Variants in ZNF618 observed in about 807,000 individuals in gnomAD.
ZNF618 encodes the protein zinc finger protein 618.
ZNF618 carries 34 observed loss-of-function variants against 103.0 expected under a neutral mutation model. The ratio of observed to expected loss-of-function variants is 0.33; its 90% CI spans 0.25 to 0.44. The LOEUF (loss-of-function observed/expected upper bound fraction) is 0.44. ZNF618 is among the 20% of genes least tolerant of loss of function. The pLI is 1.00. For synonymous variants in ZNF618, 551 were observed against 542.2 expected (o/e 1.02, Z -0.23); for missense variants, 1,059 against 1,295.4 (o/e 0.82, Z 2.80).
intron 1 of ZNF618, among the ~76,000 whole-genome samples, chr9:113,933,488 A>T (rs1833779297): frequency 6.6e-6 from 1 of 152,088 alleles, no homozygotes; most frequent in South Asian, 2.1e-4. Context: ...TGGTGGGGAG[A>T]TGAGTAGTTT....
At chr9:113,958,551 A>G (rs1196949343) in intron 1 of ZNF618, among the ~76,000 whole-genome samples, 4 of 152,186 alleles carry the variant, frequency 2.6e-5, no homozygotes, top group African/African-American at 2.4e-5. Flanking sequence ...AATCCTCACA[A>G]TGGCTCTGTG....
At position 113,926,554 on chromosome 9, in the gene ZNF618, A is replaced by AT. The variant is rs1480674695; in HGVS notation, c.34-42557dup. Among the ~76,000 whole-genome samples the AT allele has an allele frequency of 2.6e-5, 4 of 151,678 alleles. No individual in the cohort carries two copies. The South Asian group carries it at 8.4e-4, about 32-fold the overall frequency. ...TCACAGTTTTTGGATATTTGGCTCT[A>AT]TTTTTTACACTCTTTTTTCTCTGTT... On this transcript the variant is annotated intron_variant, in intron 1 of 14. Coordinates refer to ENST00000374126, the MANE Select transcript of ZNF618 (RefSeq NM_001318042.2).
intron 1 of ZNF618, among the ~76,000 whole-genome samples, chr9:113,960,999 C>G (rs1564222004): frequency 6.6e-6 from 1 of 152,182 alleles, no homozygotes; most frequent in Non-Finnish European, 1.5e-5. Flanking sequence ...CCTTGGTTTC[C>G]CAGCTGGGCA....
intron 2 of ZNF618, among the ~76,000 whole-genome samples, chr9:113,979,132 A>G (rs1237008074): frequency 1.3e-5 from 2 of 152,194 alleles, no homozygotes; most frequent in Admixed American, 6.5e-5. Flanking sequence ...CCAGAACCAT[A>G]TGGAATTAAT....
At chr9:114,008,440 G>A (rs1841949395) in intron 8 of ZNF618, 37 bp from the exon 9 acceptor site, 1 of 1,613,642 alleles carries the variant, frequency 6.2e-7, no homozygotes, top group Non-Finnish European at 8.5e-7. Flanking sequence ...TGAGACCTGG[G>A]GGACCAGGGT....
At chr9:113,916,788 C>T (rs1408687342) in intron 1 of ZNF618, among the ~76,000 whole-genome samples, 1 of 152,172 alleles carries the variant, frequency 6.6e-6, no homozygotes, top group Non-Finnish European at 1.5e-5. Context: ...GTCTGGTGCT[C>T]AATCAGAAAA....
chr9:113,992,351 G>A (rs1387397226), intron 3 of ZNF618, among the ~76,000 whole-genome samples: 2 of 152,110 alleles, frequency 1.3e-5, no homozygotes, highest in Non-Finnish European at 2.9e-5. Context: ...ATTTTCTTTC[G>A]TGTTATGAAG....
chr9:114,054,008 T>A lies in ZNF618; in HGVS notation c.*3841T>A, dbSNP rs1050433803. ...CAGTGCAGTGACACAGATGAGAAGC[T>A]GTGAGTCTCCAGGATTCAAGGAAGC... On this transcript the variant is annotated 3_prime_UTR_variant, in exon 15 of 15. Coordinates refer to ENST00000374126, the MANE Select transcript of ZNF618 (RefSeq NM_001318042.2). 6.6e-6 allele frequency: 1 copy of A among 152,550 alleles called. No individual in the cohort carries two copies. Among genetic ancestry groups the A allele is most frequent in the African/African-American group, 2.4e-5 (1 of 41,444 alleles). 9.4% of individuals were successfully genotyped at this position (152,550 alleles called of 1,614,324 possible).
chr9:113,882,794 G>C (rs1828652615), intron 1 of ZNF618, among the ~76,000 whole-genome samples: 1 of 152,148 alleles, frequency 6.6e-6, no homozygotes, highest in African/African-American at 2.4e-5. Context: ...TGGGGCCCTT[G>C]CCTCTGGTGC....
intron 1 of ZNF618, among the ~76,000 whole-genome samples, chr9:113,951,928 G>A (rs1588136689): frequency 6.6e-6 from 1 of 152,212 alleles, no homozygotes; most frequent in East Asian, 1.9e-4. Context: ...TCATCATTCA[G>A]ACATTGATGA....
Position 114,041,400 on chromosome 9 carries a change from G to GC in ZNF618, c.1246+5026dup, listed in dbSNP as rs1246680932. Among the ~76,000 whole-genome samples, 3 of 152,254 alleles carry GC rather than the reference G, an allele frequency of 2.0e-5. No homozygotes were observed. In the East Asian group the frequency reaches 5.8e-4, roughly 29 times the overall value. The stretch of plus-strand genomic sequence containing the variant: ...TTGGTGTTTTAGACATGAAGTCCTT[G>GC]CCCATGCCTATGTCCTGAATGGTAT... On this transcript the variant is annotated intron_variant, in intron 13 of 14. Transcript: ENST00000374126.
chr9:114,042,413 C>G (rs1471622819), intron 13 of ZNF618, among the ~76,000 whole-genome samples: 1 of 152,168 alleles, frequency 6.6e-6, no homozygotes, highest in Non-Finnish European at 1.5e-5. Context: ...TGGCTCATGC[C>G]TGTAATCCCA....
chr9:113,878,527 C>T (rs113106451), intron 1 of ZNF618, among the ~76,000 whole-genome samples: 107 of 152,132 alleles, frequency 7.0e-4, no homozygotes, highest in African/African-American at 2.6e-3. Flanking sequence ...AAATATTGAC[C>T]GAATTGAAAT....
At chr9:113,962,381 C>T (rs1046850873) in intron 1 of ZNF618, among the ~76,000 whole-genome samples, 2 of 152,186 alleles carry the variant, frequency 1.3e-5, no homozygotes, top group African/African-American at 4.8e-5. Flanking sequence ...CTGTTTCCCC[C>T]CTGGCCTCAT....
chr9:113,995,683 A>G (rs1383818987), intron 3 of ZNF618, among the ~76,000 whole-genome samples: 1 of 152,130 alleles, frequency 6.6e-6, no homozygotes, highest in Non-Finnish European at 1.5e-5. Context: ...CTCTTCGCTG[A>G]CAACTCCATT....
At chr9:113,894,510 C>T (rs1013538428) in intron 1 of ZNF618, among the ~76,000 whole-genome samples, 2 of 152,138 alleles carry the variant, frequency 1.3e-5, no homozygotes, top group African/African-American at 4.8e-5. Context: ...GTGTCATTTG[C>T]ACTTAGCTTT....
At chr9:114,017,961 G>A (rs191403602) in intron 10 of ZNF618, among the ~76,000 whole-genome samples, 1 of 152,332 alleles carries the variant, frequency 6.6e-6, no homozygotes, top group Admixed American at 6.5e-5. Flanking sequence ...CTGAGGTCGA[G>A]CACTGGGCTG....
chr9:113,996,447 G>C (rs80321513), intron 3 of ZNF618, among the ~76,000 whole-genome samples: 2,562 of 152,206 alleles, frequency 0.017, 62 homozygotes, highest in African/African-American at 0.053. Flanking sequence ...GGGTGCAAAG[G>C]GTTGCTACCC....
rs1843767292 is a variant in ZNF618, at chr9:114,029,034, C to T, written c.1084+62C>T. On this transcript the variant is annotated intron_variant, in intron 11 of 14. Coordinates refer to ENST00000374126, the MANE Select transcript of ZNF618 (RefSeq NM_001318042.2). ...CCACTGCCCTTCTCACCACCTGCCA[C>T]AGCTGTGCCTGGGGTTGTTGTTGCC... 8 of 1,510,942 alleles carry T rather than the reference C, an allele frequency of 5.3e-6. No individual in the cohort carries two copies. The Admixed American group carries it at 1.2e-4, about 23-fold the overall frequency. The allele number at this position is 1,510,942 out of a possible 1,614,324, so 93.6% of individuals were successfully genotyped here. A position where few individuals can be genotyped will look rare whatever the true frequency, so the allele number is the denominator to read the frequency against.
Sources: allele counts gnomAD v4.1 joint callset (sites outside exome capture counted in the v4.1 genomes callset), GRCh38; gene constraint gnomAD v4.1.1; transcripts MANE v1.5; gene names NCBI Gene and HGNC (gene_info 2026-07-23, HGNC 2026-07-21).